EYS: variants seen among roughly 807,000 people sequenced by gnomAD.
The protein encoded by EYS is protein eyes shut homolog.
A neutral mutation model predicts 282.1 loss-of-function variants in EYS; 250 were observed. The observed-to-expected ratio is 0.89, with a 90% CI of 0.80 to 0.98. EYS has a LOEUF of 0.98. Among genes scored for constraint, EYS ranks in the 50% least tolerant of loss-of-function variants. The pLI, the probability that EYS is intolerant of heterozygous loss-of-function variation, is 0.00. For synonymous variants in EYS, 1,355 were observed against 1,282.9 expected (o/e 1.06, Z -1.20); for missense variants, 4,016 against 3,709.0 (o/e 1.08, Z -2.15).
intron 34 of EYS, among the ~76,000 whole-genome samples, chr6:63,984,886 T>A (rs1010337102): frequency 7.9e-5 from 12 of 151,780 alleles, no homozygotes; most frequent in African/African-American, 2.9e-4. Flanking sequence ...CTTTGAAATT[T>A]TTTTTGAGCT....
chr6:64,294,977 A>G (rs7762115), intron 30 of EYS, among the ~76,000 whole-genome samples: 104,279 of 151,962 alleles, frequency 0.69, 35,821 homozygotes, highest in South Asian at 0.71. Flanking sequence ...TGTAAGACCA[A>G]CTAGCTGCTA....
chr6:64,531,344 A>G (rs1312635707), intron 26 of EYS, among the ~76,000 whole-genome samples: 1 of 150,824 alleles, frequency 6.6e-6, no homozygotes, highest in Non-Finnish European at 1.5e-5. Flanking sequence ...CCTGGGATAT[A>G]TTGTGTTATG....
intron 26 of EYS, among the ~76,000 whole-genome samples, chr6:64,442,322 A>G (rs540974550): frequency 1.3e-5 from 2 of 152,312 alleles, no homozygotes; most frequent in East Asian, 3.9e-4. Context: ...AACATTCAAG[A>G]GGTGACTTGG....
intron 4 of EYS, chr6:65,491,416 C>T (rs1459462362): frequency 6.4e-6 from 2 of 313,618 alleles, no homozygotes; most frequent in African/African-American, 2.2e-5. Flanking sequence ...AATGCTGTTA[C>T]AAACCAACTG....
At position 64,081,397 on chromosome 6, in the gene EYS, C is replaced by T. The variant is rs114140234; in HGVS notation, c.6571+459G>A. ...TTTCCTTAAGCAAATACTGTTAATA[C>T]TACTTAAAAAAAAACCAGCTTATAT... On this transcript the variant is annotated intron_variant, in intron 32 of 42. Transcript: ENST00000503581. Among the ~76,000 whole-genome samples, 1,018 of 151,064 alleles carry T rather than the reference C, an allele frequency of 6.7e-3. 9 individuals carry two copies. Among genetic ancestry groups the T allele is most frequent in the African/African-American group, 0.023 (941 of 40,622 alleles).
Position 64,626,556 on chromosome 6 carries a change from C to T in EYS, c.3444-311G>A, listed in dbSNP as rs150117853. ...ATCCAGTGACAAGTGTTCTTACAAG[C>T]ACAGAAGACAGAGACCCACAGGGGA... On this transcript the variant is annotated intron_variant, in intron 22 of 42. Transcript: ENST00000503581. 4.6e-5 allele frequency among the ~76,000 whole-genome samples: 7 copies of T among 152,204 alleles called. No individual in the cohort carries two copies. The East Asian group carries it at 1.2e-3, about 25-fold the overall frequency.
intron 33 of EYS, among the ~76,000 whole-genome samples, chr6:64,052,912 A>G (rs1248944604): frequency 5.9e-5 from 9 of 152,152 alleles, no homozygotes; most frequent in African/African-American, 2.2e-4. Context: ...GAGTCAATTA[A>G]ATCTCTGTTC....
chr6:65,019,898 T>C (rs1248193143), intron 13 of EYS, among the ~76,000 whole-genome samples: 1 of 130,196 alleles, frequency 7.7e-6, no homozygotes, highest in African/African-American at 3.4e-5. Flanking sequence ...CCTCTTCACA[T>C]GGCGGCAGCA....
chr6:64,427,300 A>C (rs1415113541), intron 28 of EYS, among the ~76,000 whole-genome samples: 1 of 152,164 alleles, frequency 6.6e-6, no homozygotes, highest in Non-Finnish European at 1.5e-5. Flanking sequence ...AGCAACATGC[A>C]AGGTCATAAC....
intron 5 of EYS, among the ~76,000 whole-genome samples, chr6:65,472,782 T>A (rs2127243053): frequency 6.6e-6 from 1 of 152,170 alleles, no homozygotes; most frequent in Middle Eastern, 3.4e-3. Flanking sequence ...TATTTAAAAC[T>A]CACTATTTTT....
chr6:65,202,679 T>C (rs1027557541), intron 12 of EYS, among the ~76,000 whole-genome samples: 2 of 152,172 alleles, frequency 1.3e-5, no homozygotes, highest in African/African-American at 4.8e-5. Context: ...GAAAAGCTTA[T>C]TGCCTGACAG....
intron 26 of EYS, among the ~76,000 whole-genome samples, chr6:64,584,517 C>T (rs1244134925): frequency 6.6e-6 from 1 of 151,766 alleles, no homozygotes; most frequent in Non-Finnish European, 1.5e-5. Flanking sequence ...ACAACTTACT[C>T]TCCCACCAAT....
At chr6:65,230,813 C>A (rs984992110) in intron 12 of EYS, among the ~76,000 whole-genome samples, 1 of 151,430 alleles carries the variant, frequency 6.6e-6, no homozygotes, top group African/African-American at 2.4e-5. Context: ...TAGTAATATG[C>A]ATGTCAAAGC....
chr6:64,263,378 T>C (rs2150354054), intron 30 of EYS, among the ~76,000 whole-genome samples: 1 of 152,240 alleles, frequency 6.6e-6, no homozygotes, highest in East Asian at 1.9e-4. Context: ...CCTAGATCCC[T>C]TTTCATCTAA....
intron 9 of EYS, among the ~76,000 whole-genome samples, chr6:65,351,974 T>G (rs934006862): frequency 1.3e-5 from 2 of 151,818 alleles, no homozygotes; most frequent in African/African-American, 4.8e-5. Flanking sequence ...TTTATTTCTT[T>G]GTTTCGTCTG....
intron 35 of EYS, among the ~76,000 whole-genome samples, chr6:63,963,139 A>G (rs1582040574): frequency 6.7e-6 from 1 of 148,536 alleles, no homozygotes; most frequent in Non-Finnish European, 1.5e-5. Context: ...GGCGGGAGGG[A>G]GGAAGGATAG....
chr6:63,723,800 T>C (rs1472148019), intron 42 of EYS, among the ~76,000 whole-genome samples: 1 of 118,148 alleles, frequency 8.5e-6, no homozygotes, highest in Non-Finnish European at 1.8e-5. Context: ...TTATTATTAT[T>C]ATTATTATTA....
chr6:65,537,462 TTAAA>T (rs578059047), intron 2 of EYS, among the ~76,000 whole-genome samples: 55 of 152,136 alleles, frequency 3.6e-4, no homozygotes, highest in Non-Finnish European at 6.8e-4. Context: ...TAAACAATAA[TTAAA>T]TAAGACTTGT....
At chr6:64,034,165 AAAAC>A (rs1562165375) in intron 33 of EYS, among the ~76,000 whole-genome samples, 6 of 152,202 alleles carry the variant, frequency 3.9e-5, no homozygotes, top group South Asian at 2.1e-4. Flanking sequence ...GATTAAAATT[AAAAC>A]AAACAAACAA....
Sources: gnomAD v4.1 joint callset for allele counts (sites outside exome capture counted in the v4.1 genomes callset) on GRCh38, gnomAD v4.1.1 for gene constraint, MANE v1.5 for transcripts, NCBI Gene and HGNC (gene_info 2026-07-23, HGNC 2026-07-21) for gene names.